Variants in CHRNA4 observed in about 807,000 individuals in gnomAD.
CHRNA4 encodes the protein cholinergic receptor nicotinic alpha 4 subunit.
A neutral mutation model predicts 48.9 loss-of-function variants in CHRNA4; 28 were observed. The observed-to-expected ratio is 0.57, with a 90% CI of 0.42 to 0.79. The LOEUF (loss-of-function observed/expected upper bound fraction) is 0.79. Among genes scored for constraint, CHRNA4 ranks in the 30% least tolerant of loss-of-function variants. The pLI is 0.00. For synonymous variants in CHRNA4, 425 were observed against 402.3 expected, an observed-to-expected ratio of 1.06 and a Z score of -0.68; for missense variants, 859 against 898.4, an observed-to-expected ratio of 0.96 and a Z score of 0.56.
Position 63,351,958 on chromosome 20 carries a change from C to T in CHRNA4, c.384-931G>A, listed in dbSNP as rs45442892. ...CAGCCAGGCTCACGGGGGCAGCAGC[C>T]GACCCTCCACCCCCACCCACAGAAG... On this transcript the variant is annotated intron_variant, in intron 4 of 5. Transcript: ENST00000370263. Among the ~76,000 whole-genome samples the T allele has an allele frequency of 2.8e-3, 424 of 152,314 alleles. 1 individual carries two copies. Among genetic ancestry groups the T allele is most frequent in the African/African-American group, 9.2e-3 (383 of 41,562 alleles).
intron 5 of CHRNA4, among the ~76,000 whole-genome samples, chr20:63,348,296 C>T (rs1478805691): frequency 1.3e-5 from 2 of 152,260 alleles, no homozygotes; most frequent in Non-Finnish European, 2.9e-5. Context: ...GGTGGCACAG[C>T]CCGGGCACAG....
rs776204052 is a variant in CHRNA4, at chr20:63,350,887, C to T, written c.524G>A (p.Cys175Tyr). ...GGTCCAGGAGCCGAATTTCATGGTG[C>T]AGTTCTGCTGGTCGAAGGGGAAGAA... The part of the protein sequence containing the change: ...VTFFPFDQQN[C>Y]TMKFGSWTYD... The change falls in exon 5 of 6, where the codon TGC becomes TAC. Residue 175 changes from cysteine (C) to tyrosine (Y), a missense_variant. By Grantham distance (194) the Cys-to-Tyr change is radical (BLOSUM62 -2). This residue lies in a region of CHRNA4 where 342 missense variants were observed against 365.3 expected (regional missense o/e 0.94). Coordinates refer to ENST00000370263, the MANE Select transcript of CHRNA4 (RefSeq NM_000744.7). The T allele has an allele frequency of 1.2e-6, 2 of 1,613,996 alleles. No homozygotes were observed. Among genetic ancestry groups the T allele is most frequent in the Non-Finnish European group, 1.7e-6 (2 of 1,180,014 alleles).
At position 63,346,266 on chromosome 20, in the gene CHRNA4, C is replaced by T. The variant is rs1051755151; in HGVS notation, c.*472G>A. 5 of 452,984 alleles carry T rather than the reference C, an allele frequency of 1.1e-5. No individual in the cohort carries two copies. The highest frequency in any genetic ancestry group is 2.2e-5 in the Non-Finnish European group (5 of 226,268). The allele number at this position is 452,984 out of a possible 1,614,324, so 28.1% of individuals were successfully genotyped here. ...GGACCCTGGGGGAGAAGTTGAAGCC[C>T]ACACAGGCGCAGGACACGGTGGGTG... On this transcript the variant is annotated 3_prime_UTR_variant, in exon 6 of 6. Transcript: ENST00000370263.
In CHRNA4 at chr20:63,361,237, C is replaced by T. The variant is rs978100204; in HGVS notation, c.-72G>A. ...CCGCCGCTTCGAGGCCCGTGCGCGC[C>T]CAACTTCATGCCTCCCGCGCCTCGC... On this transcript the variant is annotated 5_prime_UTR_variant, in exon 1 of 6. Coordinates refer to ENST00000370263, the MANE Select transcript of CHRNA4 (RefSeq NM_000744.7). 4.9e-6 allele frequency: 7 copies of T among 1,440,716 alleles called. No homozygotes were observed. The highest frequency in any genetic ancestry group is 6.4e-6 in the Non-Finnish European group (7 of 1,101,098). The allele number at this position is 1,440,716 out of a possible 1,614,324, so 89.2% of individuals were successfully genotyped here. A position where few individuals can be genotyped will look rare whatever the true frequency, so the allele number is the denominator to read the frequency against.
chr20:63,355,560 C>T, intron 4 of CHRNA4: 7 of 1,294,740 alleles, frequency 5.4e-6, no homozygotes, highest in South Asian at 2.5e-5. Flanking sequence ...GGTCTGATGG[C>T]GAAAAGCACT....
intron 5 of CHRNA4, among the ~76,000 whole-genome samples, chr20:63,349,354 C>T (rs1028861551): frequency 6.6e-6 from 1 of 152,216 alleles, no homozygotes; most frequent in African/African-American, 2.4e-5. Context: ...GCTGGAAGGA[C>T]GCTGCCTGTG....
rs556065563 is a variant in CHRNA4 at position 63,344,256 on chromosome 20, G to A, written c.*2482C>T. ...TCTGACTCCTCGAAGGTCGTGAGCC[G>A]GAGAGGTCAATCCACGGTGCTTAAG... On this transcript the variant is annotated 3_prime_UTR_variant, in exon 6 of 6. Transcript: ENST00000370263. The surrounding 1 kb of genome is among the most constrained non-coding windows in gnomAD (Gnocchi z 4.5). The A allele has an allele frequency of 2.0e-4, 92 of 453,886 alleles. No homozygotes were observed. The highest frequency in any genetic ancestry group is 1.6e-3 in the African/African-American group (78 of 50,078). 28.1% of individuals were successfully genotyped at this position (453,886 alleles called of 1,614,324 possible). A position where few individuals can be genotyped will look rare whatever the true frequency, so the allele number is the denominator to read the frequency against.
intron 2 of CHRNA4, among the ~76,000 whole-genome samples, chr20:63,357,020 AC>A (rs1337542565): frequency 7.8e-4 from 87 of 112,198 alleles, no homozygotes; most frequent in Admixed American, 9.5e-4. Flanking sequence ...CCACATCCCC[AC>A]AGAACCACGT....
chr20:63,359,869 C>CCGGGCGTGCGCTGTG lies in CHRNA4; in HGVS notation c.77-171_77-170insCACAGCGCACGCCCG, dbSNP rs1568819963. 1.8e-5 allele frequency: 8 copies of CCGGGCGTGCGCTGTG among 444,948 alleles called. No homozygotes were observed. In the African/African-American group the frequency reaches 2.0e-4, roughly 11 times the overall value. The allele number at this position is 444,948 out of a possible 1,614,324, so 27.6% of individuals were successfully genotyped here. On this transcript the variant is annotated intron_variant, in intron 1 of 5. Coordinates refer to ENST00000370263, the MANE Select transcript of CHRNA4 (RefSeq NM_000744.7). ...CCTGTGTGTGTGCCGGGCGTGCGCT[C>CCGGGCGTGCGCTGTG]TGTGTGTGTGTGTGTGCCGGGCGTG...
rs1472141050 is a variant in CHRNA4 at position 63,343,518 on chromosome 20, A to G, written c.*3220T>C. ...CAGTCCCACAGCAGCTGCGTGCCCT[A>G]GAGTGTCCTGGGCCCGGCCTTAACT... On this transcript the variant is annotated 3_prime_UTR_variant, in exon 6 of 6. Transcript: ENST00000370263. 2 of 454,150 alleles carry G rather than the reference A, an allele frequency of 4.4e-6. No homozygotes were observed. The highest frequency in any genetic ancestry group is 3.1e-5 in the South Asian group (2 of 64,482). The allele number at this position is 454,150 out of a possible 1,614,324, so 28.1% of individuals were successfully genotyped here.
At chr20:63,359,287 T>C (rs988269671) in intron 2 of CHRNA4, 1 of 551,268 alleles carries the variant, frequency 1.8e-6, no homozygotes. Context: ...CTGGGCTCTG[T>C]ACTGAGAACC....
chr20:63,349,014 T>C (rs2068539737), intron 5 of CHRNA4, among the ~76,000 whole-genome samples: 1 of 151,972 alleles, frequency 6.6e-6, no homozygotes, highest in Admixed American at 6.5e-5. Flanking sequence ...TGAGGGTAGG[T>C]GGGCTGGCCC....
In CHRNA4 at chr20:63,356,578, A is replaced by G. The variant is rs45449494; in HGVS notation, c.229-163T>C. The G allele has an allele frequency of 0.073, 51,825 of 713,148 alleles. 2,415 individuals carry two copies. The highest frequency in any genetic ancestry group is 0.12 in the South Asian group (7,633 of 62,156). 44.2% of individuals were successfully genotyped at this position (713,148 alleles called of 1,614,324 possible). The stretch of plus-strand genomic sequence containing the variant: ...AGTGCCCCGTCCCTGGAGGCAGCCG[A>G]GCCCAGGATGGGGACTCTGAGGGGA... On this transcript the variant is annotated intron_variant, in intron 2 of 5. Transcript: ENST00000370263.
At chr20:63,357,309 ACCTCATCCCGT>A (rs2068737153) in intron 2 of CHRNA4, among the ~76,000 whole-genome samples, 1 of 94,420 alleles carries the variant, frequency 1.1e-5, no homozygotes, top group East Asian at 4.0e-4. Context: ...TCCCCTCAGG[ACCTCATCCCGT>A]GTGTCTGAGG....
chr20:63,349,479 C>T (rs1452796464), intron 5 of CHRNA4, 174 bp downstream of exon 5: 21 of 846,852 alleles, frequency 2.5e-5, no homozygotes, highest in South Asian at 1.6e-4. Context: ...CTGGGACCTG[C>T]GGCCACATAG....
In CHRNA4 at chr20:63,350,769, G is replaced by A. The variant is rs199939003; in HGVS notation, c.642C>T (p.Ala214=). ...ACTTCCTGGTGTTGTAGGTGCCCAC[G>A]GCATCCACGATGACCCACTCGCCAC... ...WESGEWVIVD[A]VGTYNTRKYE... is the part of the protein sequence containing the mutation. Residue 214 remains alanine, a synonymous_variant, in exon 5 of 6, where the codon GCC becomes GCT. Coordinates refer to ENST00000370263, the MANE Select transcript of CHRNA4 (RefSeq NM_000744.7). The A allele has an allele frequency of 2.2e-5, 35 of 1,613,582 alleles. No individual in the cohort carries two copies. Among genetic ancestry groups the A allele is most frequent in the East Asian group, 1.1e-4 (5 of 44,860 alleles).
intron 1 of CHRNA4, 168 bp from the exon 2 acceptor site, chr20:63,359,867 C>CTGTGTGTG (rs1491587270): frequency 2.7e-5 from 2 of 73,228 alleles, no homozygotes; most frequent in African/African-American, 8.8e-5. Flanking sequence ...CGGGCGTGCG[C>CTGTGTGTG]TCTGTGTGTG....
chr20:63,346,623 G>T lies in CHRNA4; in HGVS notation c.*115C>A. 1 of 1,444,518 alleles carries T rather than the reference G, an allele frequency of 6.9e-7. No homozygotes were observed. Among genetic ancestry groups the T allele is most frequent in the Non-Finnish European group, 9.4e-7 (1 of 1,065,622 alleles). 89.5% of individuals were successfully genotyped at this position (1,444,518 alleles called of 1,614,324 possible). On this transcript the variant is annotated 3_prime_UTR_variant, in exon 6 of 6. Coordinates refer to ENST00000370263, the MANE Select transcript of CHRNA4 (RefSeq NM_000744.7). ...AGACACAGAACAGGAAGGAAAATTT[G>T]GCAAACGTGTGGCCCCACAGAGTCC... is the stretch of plus-strand genomic sequence containing the variant.
chr20:63,356,482 C>T, intron 2 of CHRNA4, 67 bp from the exon 3 acceptor site: 4 of 1,470,366 alleles, frequency 2.7e-6, no homozygotes, highest in South Asian at 1.2e-5. Flanking sequence ...TAGGTTTCCT[C>T]ATCTACAGCC....
Sources: gnomAD v4.1 joint callset for allele counts (sites outside exome capture counted in the v4.1 genomes callset) on GRCh38, gnomAD v4.1.1 for gene constraint, gnomAD v4.1.1 regional missense constraint, Gnocchi (gnomAD v3.1) non-coding constraint, MANE v1.5 for transcripts, NCBI Gene and HGNC (gene_info 2026-07-23, HGNC 2026-07-21) for gene names.